CA10: variants seen among roughly 807,000 people sequenced by gnomAD.
The protein encoded by CA10 is carbonic anhydrase 10 (inactive).
CA10 carries 14 observed loss-of-function variants against 44.2 expected under a neutral mutation model. The ratio of observed to expected loss-of-function variants is 0.32; its 90% CI spans 0.21 to 0.50. The LOEUF is 0.50. Among genes scored for constraint, CA10 ranks in the 20% least tolerant of loss-of-function variants. The pLI is 0.99. For synonymous variants in CA10, 159 were observed against 141.6 expected (o/e 1.12, Z -0.87); for missense variants, 350 against 409.7 (o/e 0.85, Z 1.26).
chr17:51,919,616 GT>G (rs1394355859), intron 3 of CA10, among the ~76,000 whole-genome samples: 1 of 152,112 alleles, frequency 6.6e-6, no homozygotes, highest in African/African-American at 2.4e-5. Flanking sequence ...GAGGCTGGTT[GT>G]TTTGTAAAAT....
At chr17:51,641,680 G>T (rs1480363787) in intron 6 of CA10, among the ~76,000 whole-genome samples, 5 of 152,052 alleles carry the variant, frequency 3.3e-5, no homozygotes, top group African/African-American at 1.2e-4. Context: ...TCTTAGTCGT[G>T]GTTACAACTC....
In CA10 at chr17:52,133,708, C is replaced by T. The variant is rs543943447; in HGVS notation, c.61+24018G>A. Among the ~76,000 whole-genome samples the T allele has an allele frequency of 7.2e-5, 11 of 152,268 alleles. No homozygotes were observed. The East Asian group carries it at 1.7e-3, about 24-fold the overall frequency. On this transcript the variant is annotated intron_variant, in intron 1 of 8. Transcript: ENST00000451037. ...CTTCTGGCCTCTGTTTTAATAGATA[C>T]AATGTTTGTAATAGCATATTTCAAA...
Position 52,035,902 on chromosome 17 carries a change from A to G in CA10, c.136+36417T>C, listed in dbSNP as rs990338930. Among the ~76,000 whole-genome samples, 7 of 152,234 alleles carry G rather than the reference A, an allele frequency of 4.6e-5. No individual in the cohort carries two copies. In the South Asian group the frequency reaches 8.3e-4, roughly 18 times the overall value. On this transcript the variant is annotated intron_variant, in intron 2 of 8. Coordinates refer to ENST00000451037, the MANE Select transcript of CA10 (RefSeq NM_020178.5). ...GTACAGAAGTTGACAAAACTTTTCC[A>G]TAGAAAAACAGGCCTTGGGTAGGAT...
chr17:51,654,972 C>T (rs1913735457), intron 4 of CA10, among the ~76,000 whole-genome samples: 1 of 152,002 alleles, frequency 6.6e-6, no homozygotes, highest in Admixed American at 6.6e-5. Context: ...GTTTAGTGTA[C>T]ATCCTTGTGG....
chr17:51,678,974 T>C (rs1430397794), intron 4 of CA10, among the ~76,000 whole-genome samples: 1 of 152,200 alleles, frequency 6.6e-6, no homozygotes, highest in African/African-American at 2.4e-5. Flanking sequence ...GGATTGACTG[T>C]AGACTTAAGC....
rs527308588 is a variant in CA10, at chr17:51,861,994, C to T, written c.279+68996G>A. On this transcript the variant is annotated intron_variant, in intron 3 of 8. Coordinates refer to ENST00000451037, the MANE Select transcript of CA10 (RefSeq NM_020178.5). The stretch of plus-strand genomic sequence containing the variant: ...GACTTCTCATATGGTCCACTATATA[C>T]AACAGCCACCTGCTTGCTATTGCCA... Among the ~76,000 whole-genome samples, 3 of 152,290 alleles carry T rather than the reference C, an allele frequency of 2.0e-5. No homozygotes were observed. In the South Asian group the frequency reaches 6.2e-4, roughly 32 times the overall value.
intron 1 of CA10, among the ~76,000 whole-genome samples, chr17:52,114,163 C>G (rs1988842634): frequency 6.6e-6 from 1 of 152,194 alleles, no homozygotes; most frequent in Admixed American, 6.5e-5. Context: ...ATCATATTCA[C>G]CAATTCACTG....
Position 51,949,637 on chromosome 17 carries a change from C to T in CA10, c.137-18505G>A, listed in dbSNP as rs138871968. Among the ~76,000 whole-genome samples, 1,123 of 152,176 alleles carry T rather than the reference C, an allele frequency of 7.4e-3. 10 individuals carry two copies. The highest frequency in any genetic ancestry group is 0.025 in the African/African-American group (1,042 of 41,522). ...AATGTTCATTTAGCGTGTAAGCCAA[C>T]GCAGAACTCCTTATTAAGACAGTTG... On this transcript the variant is annotated intron_variant, in intron 2 of 8. Coordinates refer to ENST00000451037, the MANE Select transcript of CA10 (RefSeq NM_020178.5).
chr17:51,836,445 C>G (rs1487922563), intron 3 of CA10, among the ~76,000 whole-genome samples: 1 of 152,218 alleles, frequency 6.6e-6, no homozygotes, highest in Non-Finnish European at 1.5e-5. Context: ...AGTCAGGTTT[C>G]TCCTTTGCAG....
At chr17:51,960,801 T>G (rs1983857949) in intron 2 of CA10, among the ~76,000 whole-genome samples, 1 of 152,142 alleles carries the variant, frequency 6.6e-6, no homozygotes, top group South Asian at 2.1e-4. Context: ...AAAAGAAACA[T>G]TAGAACATAT....
intron 2 of CA10, among the ~76,000 whole-genome samples, chr17:52,049,014 T>C (rs1018323831): frequency 1.4e-4 from 22 of 152,048 alleles, no homozygotes; most frequent in Non-Finnish European, 2.9e-4. Flanking sequence ...GAAACCACAA[T>C]GGTAGCAGAA....
At chr17:51,632,949 C>T (rs1471900264) in intron 8 of CA10, among the ~76,000 whole-genome samples, 1 of 152,176 alleles carries the variant, frequency 6.6e-6, no homozygotes, top group Non-Finnish European at 1.5e-5. Flanking sequence ...CAAATTACCC[C>T]ATTGGATTCT....
intron 1 of CA10, among the ~76,000 whole-genome samples, chr17:52,103,802 G>C (rs187064731): frequency 2.0e-5 from 3 of 152,116 alleles, no homozygotes; most frequent in Admixed American, 1.3e-4. Context: ...TCTCCTTACC[G>C]CAAGAGGCAG....
intron 1 of CA10, among the ~76,000 whole-genome samples, chr17:52,085,515 G>T (rs1460806337): frequency 2.6e-5 from 4 of 152,126 alleles, no homozygotes; most frequent in Non-Finnish European, 5.9e-5. Flanking sequence ...GCCCTTCAAT[G>T]ACTCCCTATT....
At chr17:51,713,829 T>C (rs1916015605) in intron 4 of CA10, among the ~76,000 whole-genome samples, 1 of 152,148 alleles carries the variant, frequency 6.6e-6, no homozygotes, top group African/African-American at 2.4e-5. Context: ...GAGTGAAATA[T>C]GAATGGAAGG....
intron 2 of CA10, among the ~76,000 whole-genome samples, chr17:52,062,715 T>C (rs1337829625): frequency 6.6e-6 from 1 of 152,202 alleles, no homozygotes; most frequent in Non-Finnish European, 1.5e-5. Flanking sequence ...GCTAAGTCTG[T>C]AGGCTCCTAG....
At chr17:51,819,295 C>T (rs184582585) in intron 3 of CA10, among the ~76,000 whole-genome samples, 43 of 152,292 alleles carry the variant, frequency 2.8e-4, no homozygotes, top group African/African-American at 8.2e-4. Flanking sequence ...TCTGGTCAAG[C>T]GTTGGTATTG....
At chr17:52,115,671 C>A (rs1988879286) in intron 1 of CA10, among the ~76,000 whole-genome samples, 2 of 152,268 alleles carry the variant, frequency 1.3e-5, no homozygotes, top group Non-Finnish European at 2.9e-5. Context: ...CGCCCCCCTC[C>A]CCTCTCGGTT....
At chr17:51,732,794 C>T (rs1916767759) in intron 4 of CA10, among the ~76,000 whole-genome samples, 1 of 152,098 alleles carries the variant, frequency 6.6e-6, no homozygotes, top group South Asian at 2.1e-4. Context: ...GCCAAAGGAA[C>T]ATAAACTTGG....
Sources: gnomAD v4.1 joint callset for allele counts (sites outside exome capture counted in the v4.1 genomes callset) on GRCh38, gnomAD v4.1.1 for gene constraint, MANE v1.5 for transcripts, NCBI Gene and HGNC (gene_info 2026-07-23, HGNC 2026-07-21) for gene names.